ROBO1: variants seen among roughly 807,000 people sequenced by gnomAD.
ROBO1 encodes the protein roundabout homolog 1.
A neutral mutation model predicts 195.9 loss-of-function variants in ROBO1; 149 were observed. The observed-to-expected ratio is 0.76, with a 90% confidence interval of 0.67 to 0.87. The LOEUF (loss-of-function observed/expected upper bound fraction) is 0.87. ROBO1 is among the 40% of genes least tolerant of loss of function. The pLI, the probability that ROBO1 is intolerant of heterozygous loss-of-function variation, is 0.00. For synonymous variants in ROBO1, 816 were observed against 733.2 expected (o/e 1.11, Z -1.82); for missense variants, 1,933 against 2,068.3 (o/e 0.93, Z 1.27).
chr3:78,620,883 A>ATATGTGTGTGTGTGTGTG (rs368794312), intron 26 of ROBO1, among the ~76,000 whole-genome samples: 22,945 of 144,284 alleles, frequency 0.16, 2,298 homozygotes, highest in Non-Finnish European at 0.22. Context: ...ATATATATAT[A>ATATGTGTGTGTGTGTGTG]TGTGTGTGTG....
chr3:79,127,820 T>G (rs188422126), intron 2 of ROBO1, among the ~76,000 whole-genome samples: 33 of 152,340 alleles, frequency 2.2e-4, no homozygotes, highest in African/African-American at 6.5e-4. Flanking sequence ...TCTCTGTTCC[T>G]ACTCATCACC....
chr3:78,756,874 T>G (rs532070430), intron 4 of ROBO1, among the ~76,000 whole-genome samples: 1 of 152,164 alleles, frequency 6.6e-6, no homozygotes, highest in African/African-American at 2.4e-5. Flanking sequence ...TATAGAATCA[T>G]AACTTTTTTA....
intron 2 of ROBO1, among the ~76,000 whole-genome samples, chr3:79,464,018 T>C (rs1172576781): frequency 6.6e-6 from 1 of 152,204 alleles, no homozygotes; most frequent in African/African-American, 2.4e-5. Context: ...TTCGTATAAA[T>C]GGAATTATAC....
chr3:78,671,051 C>G (rs530699432), intron 10 of ROBO1, among the ~76,000 whole-genome samples: 2 of 152,296 alleles, frequency 1.3e-5, no homozygotes, highest in East Asian at 3.9e-4. Flanking sequence ...TGTGCCTCTG[C>G]TAACTCCGTT....
chr3:79,173,521 C>T (rs965502997), intron 2 of ROBO1, among the ~76,000 whole-genome samples: 2 of 152,030 alleles, frequency 1.3e-5, no homozygotes, highest in African/African-American at 2.4e-5. Context: ...CCAGCAGTGC[C>T]GGCCCACCGG....
At chr3:78,740,446 CTT>C (rs10576855) in intron 5 of ROBO1, among the ~76,000 whole-genome samples, 1 of 139,106 alleles carries the variant, frequency 7.2e-6, no homozygotes, top group Non-Finnish European at 1.5e-5. Flanking sequence ...TCTTATTTTT[CTT>C]TTTTTCTTTC....
intron 4 of ROBO1, among the ~76,000 whole-genome samples, chr3:78,789,297 A>C (rs1347681383): frequency 1.3e-5 from 2 of 152,212 alleles, no homozygotes; most frequent in Non-Finnish European, 2.9e-5. Flanking sequence ...TAGCATTCTC[A>C]TTTCAAAAGC....
At chr3:79,406,796 T>A (rs2037567190) in intron 2 of ROBO1, among the ~76,000 whole-genome samples, 1 of 152,212 alleles carries the variant, frequency 6.6e-6, no homozygotes, top group Admixed American at 6.6e-5. Context: ...TGTGAGACAA[T>A]TCTTTTTTCT....
At chr3:79,722,123 G>C (rs985412692) in intron 1 of ROBO1, among the ~76,000 whole-genome samples, 1 of 152,076 alleles carries the variant, frequency 6.6e-6, no homozygotes, top group Non-Finnish European at 1.5e-5. Flanking sequence ...GACTTTAAAA[G>C]TAATATTACT....
chr3:78,662,029 G>C lies in ROBO1; in HGVS notation c.2052C>G (p.Thr684=). The C allele has an allele frequency of 6.2e-7, 1 of 1,604,464 alleles. No individual in the cohort carries two copies. Among genetic ancestry groups the C allele is most frequent in the South Asian group, 1.1e-5 (1 of 88,632 alleles). The stretch of plus-strand genomic sequence containing the variant: ...CTTCGATGGAAGAGGAAGAAAGGAC[G>C]GTGGGGTTGTGGAGGTGCAGAACAG... ...GNAVLHLHNP[T]VLSSSSIEVH... is the part of the protein sequence containing the mutation. The change falls in exon 15 of 31, where the codon ACC becomes ACG. Residue 684 remains threonine (T), a synonymous_variant. Coordinates refer to ENST00000464233, the MANE Select transcript of ROBO1 (RefSeq NM_002941.4).
At chr3:79,527,190 G>A (rs925140286) in intron 2 of ROBO1, among the ~76,000 whole-genome samples, 10 of 152,052 alleles carry the variant, frequency 6.6e-5, no homozygotes, top group Non-Finnish European at 1.3e-4. Flanking sequence ...GATATCAATA[G>A]CTCAATGTTT....
chr3:79,645,772 A>G (rs1463440099), intron 1 of ROBO1, among the ~76,000 whole-genome samples: 1 of 152,158 alleles, frequency 6.6e-6, no homozygotes, highest in East Asian at 1.9e-4. Flanking sequence ...ATAGGCACAG[A>G]CAGACAGACC....
intron 5 of ROBO1, among the ~76,000 whole-genome samples, chr3:78,729,229 C>A (rs1359678900): frequency 6.6e-6 from 1 of 152,200 alleles, no homozygotes; most frequent in East Asian, 1.9e-4. Flanking sequence ...TTATAGACTA[C>A]ATCAGGAAGA....
chr3:78,916,257 A>C (rs1345835582), intron 4 of ROBO1, among the ~76,000 whole-genome samples: 2 of 149,284 alleles, frequency 1.3e-5, no homozygotes, highest in Non-Finnish European at 3.0e-5. Flanking sequence ...AAAAAAAAAA[A>C]AAAAACAACT....
chr3:79,689,059 A>T, intron 1 of ROBO1, among the ~76,000 whole-genome samples: 1 of 151,932 alleles, frequency 6.6e-6, no homozygotes, highest in East Asian at 1.9e-4. Context: ...TATATCTTTA[A>T]CTTACTGAAC....
At chr3:78,907,081 C>T (rs571382185) in intron 4 of ROBO1, among the ~76,000 whole-genome samples, 1 of 152,010 alleles carries the variant, frequency 6.6e-6, no homozygotes, top group African/African-American at 2.4e-5. Context: ...TTTCTCCTTT[C>T]ATACTACACT....
chr3:78,945,207 G>A (rs1258513658), intron 3 of ROBO1, among the ~76,000 whole-genome samples: 3 of 152,182 alleles, frequency 2.0e-5, no homozygotes, highest in African/African-American at 7.2e-5. Context: ...ATCTGAGAAT[G>A]GGCAGACTGC....
At chr3:78,733,210 T>G (rs1487749795) in intron 5 of ROBO1, among the ~76,000 whole-genome samples, 2 of 152,166 alleles carry the variant, frequency 1.3e-5, no homozygotes, top group Non-Finnish European at 2.9e-5. Flanking sequence ...GAAATAATGT[T>G]AATCTTCACC....
At chr3:78,917,103 T>G (rs1475241503) in intron 4 of ROBO1, among the ~76,000 whole-genome samples, 27 of 149,088 alleles carry the variant, frequency 1.8e-4, no homozygotes, top group South Asian at 1.3e-3. Context: ...TTTTTCGTTT[T>G]TTTTTTTTTT....
Sources: allele counts gnomAD v4.1 joint callset (sites outside exome capture counted in the v4.1 genomes callset), GRCh38; gene constraint gnomAD v4.1.1; transcripts MANE v1.5; gene names NCBI Gene and HGNC (gene_info 2026-07-23, HGNC 2026-07-21).